KRT38: variants seen among roughly 807,000 people sequenced by gnomAD.
KRT38 encodes the protein keratin, type I cuticular Ha8.
Under a neutral mutation model 43.1 loss-of-function variants are expected in KRT38, and 45 were observed. That is an observed-to-expected ratio of 1.04 (90% confidence interval 0.82 to 1.34). The LOEUF (loss-of-function observed/expected upper bound fraction) is 1.34, where lower values mean the gene tolerates loss of function less well. Ranked by LOEUF, KRT38 falls within the 40% of genes most tolerant of loss-of-function variation. The pLI is 0.00. For missense variants in KRT38, 627 were observed against 586.2 expected, an observed-to-expected ratio of 1.07 and a Z score of -0.72; for synonymous variants, 258 against 244.0, an observed-to-expected ratio of 1.06 and a Z score of -0.53.
At position 41,437,451 on chromosome 17, in the gene KRT38, C is replaced by CT. The variant is rs2018738474; in HGVS notation, c.1331_1332insA (p.Pro445AlafsTer23). ...CGGTGGTGCTGGCTCCACAGGTGGG[C>CT]CCACAGGTGGTGCAGGGGCCACAGC... On this transcript the variant is annotated frameshift_variant, in exon 7 of 7. Transcript: ENST00000246646. LOFTEE classifies it high-confidence loss of function. The CT allele has an allele frequency of 2.6e-6, 4 of 1,563,742 alleles. No homozygotes were observed. The highest frequency in any genetic ancestry group is 3.4e-6 in the Non-Finnish European group (4 of 1,161,028).
In KRT38 at chr17:41,438,701, G is replaced by T. The variant is rs1319910651; in HGVS notation, c.890C>A (p.Ala297Asp). The part of the protein sequence containing the change: ...NRQDVEQWFQ[A>D]QSEGISLQDM... ...TTCTATACCCCCCCCACTCACCTGG[G>T]CTTGGAACCACTGTTCCACATCCTG... Residue 297 changes from alanine to aspartate, a missense_variant, in exon 4 of 7, where the codon GCC becomes GAC. Ala to Asp is a moderately radical substitution (Grantham distance 126, BLOSUM62 -2). Coordinates refer to ENST00000246646, the MANE Select transcript of KRT38 (RefSeq NM_006771.4). The T allele has an allele frequency of 6.2e-7, 1 of 1,613,712 alleles. No individual in the cohort carries two copies. The highest frequency in any genetic ancestry group is 8.5e-7 in the Non-Finnish European group (1 of 1,179,922).
At position 41,438,081 on chromosome 17, in the gene KRT38, G is replaced by T; in HGVS notation, c.1241+12C>A. The T allele has an allele frequency of 6.2e-7, 1 of 1,613,352 alleles. No homozygotes were observed. The highest frequency in any genetic ancestry group is 8.5e-7 in the Non-Finnish European group (1 of 1,179,470). On this transcript the variant is annotated intron_variant, in intron 6 of 6. Coordinates refer to ENST00000246646, the MANE Select transcript of KRT38 (RefSeq NM_006771.4). ...AAATAATTTGGCCAGGAATTGCCCA[G>T]ATCACACGTACTTGCAGTCCTCGCT... is the stretch of plus-strand genomic sequence containing the variant.
In KRT38 at chr17:41,439,314, C is replaced by T; in HGVS notation, c.621G>A (p.Lys207=). 1.2e-6 allele frequency: 2 copies of T among 1,614,216 alleles called. No individual in the cohort carries two copies. Among genetic ancestry groups the T allele is most frequent in the South Asian group, 1.1e-5 (1 of 91,086 alleles). ...RSLRQLVEAD[K]CGTQKLLDDA... is the part of the protein sequence containing the mutation. ...CATCCAGGAGCTTCTGTGTCCCACA[C>T]TTGTCTGCCTCCACCAGCTGGCGCA... Residue 207 remains lysine (K), a synonymous_variant, in exon 3 of 7, where the codon AAG becomes AAA. Transcript: ENST00000246646.
Position 41,437,158 on chromosome 17 carries a change from T to C in KRT38, c.*254A>G. The C allele has an allele frequency of 2.6e-6, 1 of 379,534 alleles. No individual in the cohort carries two copies. The highest frequency in any genetic ancestry group is 4.7e-6 in the Non-Finnish European group (1 of 215,030). The allele number at this position is 379,534 out of a possible 1,614,324, so 23.5% of individuals were successfully genotyped here. ...TACTCCAAAATGCTTTTCAACCTTA[T>C]GCCTCTCCAATCCAGATATTCTGAG... On this transcript the variant is annotated 3_prime_UTR_variant, in exon 7 of 7. Transcript: ENST00000246646.
At position 41,440,732 on chromosome 17, in the gene KRT38, G is replaced by A. The variant is rs144345127; in HGVS notation, c.190C>T (p.Arg64Cys). The A allele has an allele frequency of 2.0e-5, 33 of 1,613,964 alleles. No individual in the cohort carries two copies. Among genetic ancestry groups the A allele is most frequent in the East Asian group, 1.6e-4 (7 of 44,900 alleles). Reference protein sequence around the residue: ...RVRVGSTPLGRPSLCLPPTCH... With the variant: ...RVRVGSTPLGCPSLCLPPTCH... The stretch of plus-strand genomic sequence containing the variant: ...GTAGGCGGCAGACAGAGGCTGGGGC[G>A]GCCCAGGGGAGTGGACCCCACACGG... Residue 64 changes from arginine to cysteine, a missense_variant, in exon 1 of 7, where the codon CGC becomes TGC. By Grantham distance (180) the Arg-to-Cys change is radical (BLOSUM62 -3). Coordinates refer to ENST00000246646, the MANE Select transcript of KRT38 (RefSeq NM_006771.4).
Position 41,438,770 on chromosome 17 carries a change from C to T in KRT38, c.821G>A (p.Gly274Glu). ...EPTIDLNRVLGEMRAQYEAML... is the reference protein window; with the variant it reads ...EPTIDLNRVLEEMRAQYEAML... ...GGCCTCATACTGAGCCCGCATCTCC[C>T]CCAGCACCCTGTTCAGGTCAATGGT... The change falls in exon 4 of 7, where the codon GGG becomes GAG. Residue 274 changes from glycine to glutamate, a missense_variant. Physicochemically the swap from Gly to Glu is moderately conservative, Grantham distance 98. Coordinates refer to ENST00000246646, the MANE Select transcript of KRT38 (RefSeq NM_006771.4). 2 of 1,614,204 alleles carry T rather than the reference C, an allele frequency of 1.2e-6. No individual in the cohort carries two copies. Among genetic ancestry groups the T allele is most frequent in the Non-Finnish European group, 1.7e-6 (2 of 1,180,028 alleles).
Position 41,437,446 on chromosome 17 carries a change from G to T in KRT38, c.1337C>A (p.Thr446Asn), listed in dbSNP as rs774832023. The change falls in exon 7 of 7, where the codon ACC becomes AAC. Residue 446 changes from threonine (T) to asparagine (N), a missense_variant. By Grantham distance (65) the Thr-to-Asn change is moderately conservative. Coordinates refer to ENST00000246646, the MANE Select transcript of KRT38 (RefSeq NM_006771.4). The stretch of plus-strand genomic sequence containing the variant: ...GCTTCCGGTGGTGCTGGCTCCACAG[G>T]TGGGCCCACAGGTGGTGCAGGGGCC... ...SCGPCTTCGP[T>N]CGASTTGSRF 6.4e-7 allele frequency: 1 copy of T among 1,569,736 alleles called. No individual in the cohort carries two copies. The highest frequency in any genetic ancestry group is 8.6e-7 in the Non-Finnish European group (1 of 1,163,178).
rs1485082863 is a variant in KRT38, at chr17:41,440,870, G to A, written c.52C>T (p.Pro18Ser). The change falls in exon 1 of 7, where the codon CCT becomes TCT. Residue 18 changes from proline to serine, a missense_variant. Pro to Ser is a moderately conservative substitution (Grantham distance 74). Coordinates refer to ENST00000246646, the MANE Select transcript of KRT38 (RefSeq NM_006771.4). ...SSCPLGCTMAPGARNVSVSPI... is the reference protein window; with the variant it reads ...SSCPLGCTMASGARNVSVSPI... ...GAGACAGAGACATTTCTTGCTCCAG[G>A]AGCCATGGTGCAACCCAGAGGGCAT... 7 of 1,577,122 alleles carry A rather than the reference G, an allele frequency of 4.4e-6. No individual in the cohort carries two copies. The South Asian group carries it at 4.8e-5, about 11-fold the overall frequency.
Position 41,438,594 on chromosome 17 carries a change from T to C in KRT38, c.917A>G (p.Asp306Gly). ...CTGCAGCTCCTCGGAGCAGGACATG[T>C]CCTGCAGGCTGATGCCTTCAGACTG... is the stretch of plus-strand genomic sequence containing the variant. Reference protein sequence around the residue: ...QAQSEGISLQDMSCSEELQCC... With the variant: ...QAQSEGISLQGMSCSEELQCC... The change falls in exon 5 of 7, where the codon GAC (aspartate) becomes GGC (glycine). Residue 306 changes from aspartate to glycine, a missense_variant. By Grantham distance (94) the Asp-to-Gly change is moderately conservative. Coordinates refer to ENST00000246646, the MANE Select transcript of KRT38 (RefSeq NM_006771.4). The C allele has an allele frequency of 3.7e-6, 6 of 1,614,060 alleles. No individual in the cohort carries two copies. The highest frequency in any genetic ancestry group is 5.1e-6 in the Non-Finnish European group (6 of 1,179,990).
In KRT38 at chr17:41,437,449, G is replaced by A; in HGVS notation, c.1334C>T (p.Pro445Leu). The change falls in exon 7 of 7, where the codon CCC (proline) becomes CTC (leucine). Residue 445 changes from proline to leucine, a missense_variant. Coordinates refer to ENST00000246646, the MANE Select transcript of KRT38 (RefSeq NM_006771.4). ...TCCGGTGGTGCTGGCTCCACAGGTGGGCCCACAGGTGGTGCAGGGGCCACA... is the reference window on the plus strand; with the variant it reads ...TCCGGTGGTGCTGGCTCCACAGGTGAGCCCACAGGTGGTGCAGGGGCCACA... ...PSCGPCTTCG[P>L]TCGASTTGSR... is the part of the protein sequence containing the mutation. The A allele has an allele frequency of 1.3e-6, 2 of 1,562,818 alleles. No homozygotes were observed. The highest frequency in any genetic ancestry group is 1.2e-5 in the South Asian group (1 of 84,552).
intron 6 of KRT38, 141 bp downstream of exon 6, chr17:41,437,952 T>C (rs2071613): frequency 2.7e-6 from 2 of 748,798 alleles, no homozygotes; most frequent in African/African-American, 3.6e-5. Flanking sequence ...CCACATGGAG[T>C]GTGCAGGACA....
Position 41,440,695 on chromosome 17 carries a change from G to GCT in KRT38, c.226_227insAG (p.Ala76GlufsTer26). 2.5e-6 allele frequency: 4 copies of GCT among 1,614,258 alleles called. No homozygotes were observed. Among genetic ancestry groups the GCT allele is most frequent in the Non-Finnish European group, 3.4e-6 (4 of 1,180,050 alleles). On this transcript the variant is annotated frameshift_variant, in exon 1 of 7. Transcript: ENST00000246646. LOFTEE classifies it high-confidence loss of function. ...GTGGCAGGTCCCTGGCAAGGGACAA[G>GCT]CAGTGTGGCAGGTAGGCGGCAGACA...
Position 41,440,871 on chromosome 17 carries a change from A to C in KRT38, c.51T>G (p.Ala17=). The C allele has an allele frequency of 6.3e-7, 1 of 1,577,036 alleles. No individual in the cohort carries two copies. Among genetic ancestry groups the C allele is most frequent in the Admixed American group, 1.7e-5 (1 of 57,460 alleles). ...SSSCPLGCTM[A]PGARNVSVSP... ...AGACAGAGACATTTCTTGCTCCAGG[A>C]GCCATGGTGCAACCCAGAGGGCATG... Residue 17 remains alanine (A), a synonymous_variant, in exon 1 of 7, where the codon GCT becomes GCG. Transcript: ENST00000246646.
At chr17:41,440,131 G>C (rs899383458) in intron 2 of KRT38, 30 bp downstream of exon 2, 2 of 1,576,904 alleles carry the variant, frequency 1.3e-6, no homozygotes, top group Admixed American at 3.3e-5. Context: ...TGGGGAAGGA[G>C]TCACCCTGGC....
At chr17:41,438,642 C>T (rs1364217702) in intron 4 of KRT38, 26 bp from the exon 5 acceptor site, 1 of 1,613,386 alleles carries the variant, frequency 6.2e-7, no homozygotes, top group South Asian at 1.1e-5. Flanking sequence ...ACACGGTCAC[C>T]TCCCTGCCCA....
Position 41,437,395 on chromosome 17 carries a change from T to C in KRT38, c.*17A>G. The C allele has an allele frequency of 1.9e-6, 3 of 1,539,344 alleles. No individual in the cohort carries two copies. The highest frequency in any genetic ancestry group is 1.2e-5 in the South Asian group (1 of 80,854). ...GGTATCCCTCGCCTTAGCCAGCCCC[T>C]GTGGGTCCACAGGAATTCAGAATCG... On this transcript the variant is annotated 3_prime_UTR_variant, in exon 7 of 7. Coordinates refer to ENST00000246646, the MANE Select transcript of KRT38 (RefSeq NM_006771.4).
intron 2 of KRT38, 64 bp from the exon 3 acceptor site, chr17:41,439,423 G>A: frequency 1.9e-6 from 3 of 1,561,074 alleles, no homozygotes; most frequent in Admixed American, 1.8e-5. Flanking sequence ...GGCTGCCCTG[G>A]CTTCCTACCT....
chr17:41,439,413 G>A (rs150883278), intron 2 of KRT38, 54 bp from the exon 3 acceptor site: 36 of 1,578,176 alleles, frequency 2.3e-5, no homozygotes, highest in African/African-American at 9.4e-5. Context: ...AGCCCCTCTC[G>A]GCTGCCCTGG....
Position 41,438,811 on chromosome 17 carries a change from C to A in KRT38, c.780G>T (p.Glu260Asp). 1 of 1,614,174 alleles carries A rather than the reference C, an allele frequency of 6.2e-7. No homozygotes were observed. The highest frequency in any genetic ancestry group is 8.5e-7 in the Non-Finnish European group (1 of 1,180,022). Residue 260 changes from glutamate (E) to aspartate (D), a missense_variant, in exon 4 of 7, where the codon GAG becomes GAT. Physicochemically the swap from Glu to Asp is conservative, Grantham distance 45. Transcript: ENST00000246646. ...RSQLGEKLRI[E>D]LDIEPTIDLN... ...GGTCAATGGTGGGCTCAATGTCCAG[C>A]TCAATCCGGAGCTTCTCCCCCAGCT... is the stretch of plus-strand genomic sequence containing the variant.
Sources: allele counts gnomAD v4.1 joint callset, GRCh38; gene constraint gnomAD v4.1.1; transcripts MANE v1.5; gene names NCBI Gene and HGNC (gene_info 2026-07-23, HGNC 2026-07-21).